Variants in KCTD16 observed in about 807,000 individuals in gnomAD.
KCTD16 encodes potassium channel tetramerization domain containing 16.
In KCTD16, 13 loss-of-function variants were observed where a neutral mutation model predicts 33.2. The ratio of observed to expected loss-of-function variants is 0.39; its 90% CI spans 0.25 to 0.62. The LOEUF is 0.62. KCTD16 is among the 20% of genes least tolerant of loss of function. KCTD16 has a pLI of 0.50. For synonymous variants in KCTD16, 197 were observed against 195.3 expected (o/e 1.01, Z -0.07); for missense variants, 441 against 525.1 (o/e 0.84, Z 1.57).
chr5:144,230,103 C>T (rs766396590), intron 3 of KCTD16, among the ~76,000 whole-genome samples: 3 of 152,186 alleles, frequency 2.0e-5, no homozygotes, highest in Non-Finnish European at 4.4e-5. Flanking sequence ...GATCACGCCA[C>T]TGTACTTCAG....
intron 3 of KCTD16, among the ~76,000 whole-genome samples, chr5:144,210,588 G>GA (rs1268225184): frequency 6.6e-6 from 1 of 152,104 alleles, no homozygotes; most frequent in Non-Finnish European, 1.5e-5. Flanking sequence ...ATAAATATCA[G>GA]AAAATGCCTT....
At chr5:144,339,362 G>T (rs1469662780) in intron 3 of KCTD16, among the ~76,000 whole-genome samples, 1 of 152,144 alleles carries the variant, frequency 6.6e-6, no homozygotes, top group Non-Finnish European at 1.5e-5. Context: ...CTATCTCTTT[G>T]TACAACTATT....
rs572494300 is a variant in KCTD16 at position 144,421,244 on chromosome 5, A to G, written c.833-52416A>G. 1.5e-3 allele frequency among the ~76,000 whole-genome samples: 224 copies of G among 152,318 alleles called. 1 individual carries two copies. The highest frequency in any genetic ancestry group is 5.2e-3 in the African/African-American group (215 of 41,578). On this transcript the variant is annotated intron_variant, in intron 3 of 3. Transcript: ENST00000512467. ...CAGACAAAACAAAACAAAACAAAAA[A>G]CAAAAGACAATCTCAAAGCGAAATC...
chr5:144,410,994 G>T (rs1008430101), intron 3 of KCTD16, among the ~76,000 whole-genome samples: 2 of 152,024 alleles, frequency 1.3e-5, no homozygotes, highest in Non-Finnish European at 2.9e-5. Flanking sequence ...AGAAAGATAA[G>T]ATCTATACCC....
chr5:144,178,612 C>T (rs1468889327), intron 2 of KCTD16, among the ~76,000 whole-genome samples: 1 of 152,072 alleles, frequency 6.6e-6, no homozygotes. Context: ...AATCATAAAT[C>T]CCCTGCTGTC....
intron 3 of KCTD16, among the ~76,000 whole-genome samples, chr5:144,220,535 T>C (rs1182035598): frequency 1.3e-5 from 2 of 152,072 alleles, no homozygotes; most frequent in Non-Finnish European, 2.9e-5. Context: ...CCTCTCACCA[T>C]GAAGGCAGCA....
At chr5:144,187,820 G>C (rs1423176547) in intron 2 of KCTD16, among the ~76,000 whole-genome samples, 1 of 152,184 alleles carries the variant, frequency 6.6e-6, no homozygotes, top group Non-Finnish European at 1.5e-5. Context: ...AGGAAAGAAG[G>C]CTATTTATTG....
chr5:144,260,644 A>T (rs923918151), intron 3 of KCTD16, among the ~76,000 whole-genome samples: 4 of 152,200 alleles, frequency 2.6e-5, no homozygotes, highest in Non-Finnish European at 5.9e-5. Flanking sequence ...GTCCAAAAAG[A>T]CATAAATGAA....
In KCTD16 at chr5:144,449,663, A is replaced by T. The variant is rs185754130; in HGVS notation, c.833-23997A>T. 8.9e-4 allele frequency among the ~76,000 whole-genome samples: 135 copies of T among 152,134 alleles called. No individual in the cohort carries two copies. The East Asian group carries it at 0.011, about 13-fold the overall frequency. The stretch of plus-strand genomic sequence containing the variant: ...GATGGATCTGTAGACCAATAAAAAT[A>T]ATAGAGAACCTAGATATAAATCCAT... On this transcript the variant is annotated intron_variant, in intron 3 of 3. Coordinates refer to ENST00000512467, the MANE Select transcript of KCTD16 (RefSeq NM_020768.4).
At chr5:144,288,374 T>C (rs1459163920) in intron 3 of KCTD16, among the ~76,000 whole-genome samples, 1 of 152,154 alleles carries the variant, frequency 6.6e-6, no homozygotes, top group Non-Finnish European at 1.5e-5. Flanking sequence ...TGTTGTGGGT[T>C]CTCCCTGTTA....
chr5:144,296,160 C>T (rs34124560), intron 3 of KCTD16, among the ~76,000 whole-genome samples: 32,656 of 152,068 alleles, frequency 0.21, 3,950 homozygotes, highest in Non-Finnish European at 0.28. Context: ...AGAACAGTTA[C>T]AGGTACAGGA....
chr5:144,338,626 A>G (rs1177130738), intron 3 of KCTD16, among the ~76,000 whole-genome samples: 1 of 152,214 alleles, frequency 6.6e-6, no homozygotes, highest in Non-Finnish European at 1.5e-5. Flanking sequence ...ACAGATCCTT[A>G]AGTGACAAAT....
intron 3 of KCTD16, among the ~76,000 whole-genome samples, chr5:144,330,749 G>A (rs73295866): frequency 0.025 from 3,767 of 152,214 alleles, 73 homozygotes; most frequent in African/African-American, 0.038. Context: ...TCCAGATAAG[G>A]TAATTGAAGC....
chr5:144,236,624 G>A (rs1321481366), intron 3 of KCTD16, among the ~76,000 whole-genome samples: 1 of 152,136 alleles, frequency 6.6e-6, no homozygotes, highest in East Asian at 1.9e-4. Context: ...TTGCTGTTAG[G>A]ATAGTAAGGT....
At chr5:144,364,178 T>G (rs972491608) in intron 3 of KCTD16, among the ~76,000 whole-genome samples, 2 of 152,190 alleles carry the variant, frequency 1.3e-5, no homozygotes, top group African/African-American at 4.8e-5. Context: ...TCTATGCTTT[T>G]GAATCCAGGC....
intron 3 of KCTD16, among the ~76,000 whole-genome samples, chr5:144,442,218 C>T (rs1209287968): frequency 6.6e-6 from 1 of 152,066 alleles, no homozygotes; most frequent in Admixed American, 6.6e-5. Context: ...AGTGTTTAAG[C>T]CCTTTGTGCT....
chr5:144,334,707 T>C (rs1752439010), intron 3 of KCTD16, among the ~76,000 whole-genome samples: 1 of 152,192 alleles, frequency 6.6e-6, no homozygotes, highest in South Asian at 2.1e-4. Context: ...GAATTTCACA[T>C]GGTAATGAAA....
rs960967144 is a variant in KCTD16, at chr5:144,479,507, G to A, written c.*5393G>A. The A allele has an allele frequency of 1.3e-5, 2 of 151,754 alleles. No individual in the cohort carries two copies. Among genetic ancestry groups the A allele is most frequent in the Non-Finnish European group, 2.9e-5 (2 of 67,904 alleles). The allele number at this position is 151,754 out of a possible 1,614,324, so 9.4% of individuals were successfully genotyped here. On this transcript the variant is annotated 3_prime_UTR_variant, in exon 4 of 4. Transcript: ENST00000512467. The stretch of plus-strand genomic sequence containing the variant: ...CCACGTTATAAGAAAGATGAAAATA[G>A]AGATCATGCTTGTCATGATCATGAG...
rs554548821 is a variant in KCTD16 at position 144,292,378 on chromosome 5, G to A, written c.832+84832G>A. Among the ~76,000 whole-genome samples the A allele has an allele frequency of 5.9e-5, 9 of 152,286 alleles. No homozygotes were observed. In the East Asian group the frequency reaches 1.7e-3, roughly 29 times the overall value. On this transcript the variant is annotated intron_variant, in intron 3 of 3. Transcript: ENST00000512467. ...CAGGTCTGGCTGTTCTGTATAGGGTGGGGTGAAGGTAGAGCAATGTAGGAA... is the reference window on the plus strand; with the variant it reads ...CAGGTCTGGCTGTTCTGTATAGGGTAGGGTGAAGGTAGAGCAATGTAGGAA...
Sources: gnomAD v4.1 joint callset for allele counts (sites outside exome capture counted in the v4.1 genomes callset) on GRCh38, gnomAD v4.1.1 for gene constraint, MANE v1.5 for transcripts, NCBI Gene and HGNC (gene_info 2026-07-23, HGNC 2026-07-21) for gene names.